BABAM2: variants seen among roughly 807,000 people sequenced by gnomAD.
BABAM2 encodes the protein BRISC and BRCA1-A complex member 2.
Under a neutral mutation model 54.7 loss-of-function variants are expected in BABAM2, and 31 were observed. That is an observed-to-expected ratio of 0.57 (90% CI 0.43 to 0.77). The LOEUF (loss-of-function observed/expected upper bound fraction) is 0.77. BABAM2 is among the 30% of genes least tolerant of loss of function. The probability of loss-of-function intolerance (pLI) is 0.00; values close to 1 mark genes in which losing one functional copy is unlikely to be tolerated. For missense variants in BABAM2, 364 were observed against 455.8 expected (o/e 0.80, Z 1.83); for synonymous variants, 167 against 162.9 (o/e 1.03, Z -0.19).
chr2:28,194,130 C>T (rs903202777), intron 7 of BABAM2, among the ~76,000 whole-genome samples: 1 of 152,102 alleles, frequency 6.6e-6, no homozygotes, highest in Non-Finnish European at 1.5e-5. Context: ...AGGAGAGCTT[C>T]GTGTGGCTGG....
intron 3 of BABAM2, among the ~76,000 whole-genome samples, chr2:27,977,976 G>A (rs1416987995): frequency 6.6e-6 from 1 of 152,200 alleles, no homozygotes; most frequent in Non-Finnish European, 1.5e-5. Flanking sequence ...TCAGTGTAAG[G>A]ACACACTAAG....
chr2:28,189,394 A>G (rs1371418621), intron 7 of BABAM2, among the ~76,000 whole-genome samples: 1 of 152,208 alleles, frequency 6.6e-6, no homozygotes, highest in Admixed American at 6.5e-5. Context: ...TGCAATTAGA[A>G]TAAATGGTAC....
At chr2:28,193,347 C>T (rs1677144316) in intron 7 of BABAM2, among the ~76,000 whole-genome samples, 1 of 152,128 alleles carries the variant, frequency 6.6e-6, no homozygotes, top group South Asian at 2.1e-4. Context: ...GATTTATGCA[C>T]CGTGCTAAGT....
chr2:27,987,174 C>G (rs560126529), intron 3 of BABAM2, among the ~76,000 whole-genome samples: 1 of 152,226 alleles, frequency 6.6e-6, no homozygotes, highest in South Asian at 2.1e-4. Flanking sequence ...AAACTGAAGT[C>G]TAAAGAAGTT....
chr2:28,193,535 T>C (rs1162041949), intron 7 of BABAM2, among the ~76,000 whole-genome samples: 3 of 152,214 alleles, frequency 2.0e-5, no homozygotes, highest in Admixed American at 6.5e-5. Context: ...TACAAGAGCA[T>C]ACTGCTCTTT....
intron 6 of BABAM2, among the ~76,000 whole-genome samples, chr2:28,076,468 AT>A (rs1664677837): frequency 8.8e-6 from 1 of 112,998 alleles, no homozygotes; most frequent in African/African-American, 3.2e-5. Context: ...ATATTTATTT[AT>A]TTATTTATTT....
intron 10 of BABAM2, among the ~76,000 whole-genome samples, chr2:28,257,106 G>A (rs1234211952): frequency 6.6e-6 from 1 of 152,140 alleles, no homozygotes; most frequent in Non-Finnish European, 1.5e-5. Context: ...GCCCTGATTT[G>A]AGGTATAATG....
chr2:28,217,142 T>C (rs565374923), intron 7 of BABAM2, among the ~76,000 whole-genome samples: 29 of 107,546 alleles, frequency 2.7e-4, no homozygotes, highest in African/African-American at 8.1e-4. Context: ...TATTGCATTG[T>C]CTCTTATTAG....
rs562786274 is a variant in BABAM2 at position 28,143,317 on chromosome 2, GA to G, written c.680+13938del. On this transcript the variant is annotated intron_variant, in intron 7 of 11. Transcript: ENST00000379624. ...AAAATGTCAAATACACAGAAACAGA[GA>G]GTACAACAGTGGTTACCAGGGGTGG... Among the ~76,000 whole-genome samples the G allele has an allele frequency of 4.5e-3, 691 of 152,158 alleles. 3 individuals are homozygous for G. The highest frequency in any genetic ancestry group is 0.016 in the African/African-American group (662 of 41,524).
At chr2:28,078,458 TG>T (rs1261398949) in intron 6 of BABAM2, among the ~76,000 whole-genome samples, 4 of 152,150 alleles carry the variant, frequency 2.6e-5, no homozygotes, top group Non-Finnish European at 5.9e-5. Flanking sequence ...AAAAACCCTA[TG>T]CTGAGGTTGC....
Position 28,241,327 on chromosome 2 carries a change from A to G in BABAM2, c.785A>G (p.Gln262Arg). ...QVCHLLTNKVQYVIQGYHKRR... is the reference protein window; with the variant it reads ...QVCHLLTNKVRYVIQGYHKRR... ...AGCTTTGGGTTTCTATTCCAGGTGCAGTACGTGATTCAAGGGTATCACAAA... is the reference window on the plus strand; with the variant it reads ...AGCTTTGGGTTTCTATTCCAGGTGCGGTACGTGATTCAAGGGTATCACAAA... The change falls in exon 9 of 12, where the codon CAG becomes CGG. Residue 262 changes from glutamine to arginine, a missense_variant. Coordinates refer to ENST00000379624, the MANE Select transcript of BABAM2 (RefSeq NM_199191.3). 1.2e-6 allele frequency: 2 copies of G among 1,613,932 alleles called. No homozygotes were observed. Among genetic ancestry groups the G allele is most frequent in the Non-Finnish European group, 1.7e-6 (2 of 1,179,832 alleles).
intron 6 of BABAM2, among the ~76,000 whole-genome samples, chr2:28,069,282 T>C (rs1011260547): frequency 2.2e-4 from 34 of 152,260 alleles, no homozygotes; most frequent in African/African-American, 8.0e-4. Context: ...TGGAATGTTC[T>C]GTGATTGTTA....
intron 3 of BABAM2, among the ~76,000 whole-genome samples, chr2:27,973,016 C>T (rs1375379520): frequency 6.6e-6 from 1 of 151,796 alleles, no homozygotes; most frequent in Non-Finnish European, 1.5e-5. Flanking sequence ...GATCCGCCCG[C>T]CTCGGCCTCC....
At chr2:28,180,281 GAAC>G (rs1675475958) in intron 7 of BABAM2, among the ~76,000 whole-genome samples, 1 of 151,880 alleles carries the variant, frequency 6.6e-6, no homozygotes, top group African/African-American at 2.4e-5. Flanking sequence ...TAGACCAATG[GAAC>G]AATATAAAGA....
chr2:28,270,580 G>A (rs1418662154), intron 10 of BABAM2, among the ~76,000 whole-genome samples: 1 of 152,214 alleles, frequency 6.6e-6, no homozygotes, highest in East Asian at 1.9e-4. Flanking sequence ...GTATTTGACT[G>A]TACCTGAACC....
At chr2:28,120,870 C>T (rs1669008335) in intron 6 of BABAM2, among the ~76,000 whole-genome samples, 1 of 152,140 alleles carries the variant, frequency 6.6e-6, no homozygotes, top group Non-Finnish European at 1.5e-5. Context: ...CTTAAAGCCA[C>T]ACCAATTAAG....
intron 10 of BABAM2, among the ~76,000 whole-genome samples, chr2:28,289,329 C>G (rs1687085970): frequency 6.6e-6 from 1 of 152,094 alleles, no homozygotes; most frequent in Non-Finnish European, 1.5e-5. Context: ...ATACTGATTT[C>G]TGCGTCTGTG....
chr2:28,139,865 T>C (rs753463349), intron 7 of BABAM2, among the ~76,000 whole-genome samples: 2 of 152,214 alleles, frequency 1.3e-5, no homozygotes, highest in Non-Finnish European at 2.9e-5. Context: ...CTAGCATCTC[T>C]AAACAGGACT....
At chr2:28,279,095 A>C (rs896522764) in intron 10 of BABAM2, among the ~76,000 whole-genome samples, 1 of 152,208 alleles carries the variant, frequency 6.6e-6, no homozygotes, top group East Asian at 1.9e-4. Context: ...AACCTTCAGC[A>C]TGATGAGAAG....
Sources: allele counts gnomAD v4.1 joint callset (sites outside exome capture counted in the v4.1 genomes callset), GRCh38; gene constraint gnomAD v4.1.1; transcripts MANE v1.5; gene names NCBI Gene and HGNC (gene_info 2026-07-23, HGNC 2026-07-21).